Variants in PEBP4 observed in about 807,000 individuals in gnomAD.
PEBP4 encodes the protein phosphatidylethanolamine binding protein 4, also known as phosphatidylethanolamine-binding protein 4.
In PEBP4, 22 loss-of-function variants were observed where a neutral mutation model predicts 23.9. That is an observed-to-expected ratio of 0.92 (90% CI 0.66 to 1.31). The LOEUF (loss-of-function observed/expected upper bound fraction) is 1.31. Ranked by LOEUF, PEBP4 falls within the 40% of genes most tolerant of loss-of-function variation. The probability of loss-of-function intolerance (pLI) is 0.00; values close to 1 mark genes in which losing one functional copy is unlikely to be tolerated. For missense variants in PEBP4, 324 were observed against 281.7 expected (o/e 1.15, Z -1.07); for synonymous variants, 112 against 99.3 (o/e 1.13, Z -0.76).
At chr8:22,920,556 A>G (rs76743413) in intron 2 of PEBP4, among the ~76,000 whole-genome samples, 4,829 of 152,328 alleles carry the variant, frequency 0.032, 116 homozygotes, top group Middle Eastern at 0.092. Flanking sequence ...GTGGCGGTCA[A>G]TGGTCAGAAC....
chr8:22,780,412 T>C (rs185202912), intron 4 of PEBP4, among the ~76,000 whole-genome samples: 131 of 152,266 alleles, frequency 8.6e-4, no homozygotes, highest in Middle Eastern at 3.4e-3. Flanking sequence ...TTGAGGTTCA[T>C]TTGTCCAGGA....
chr8:22,756,053 T>C (rs1394652351), intron 4 of PEBP4: 1 of 152,248 alleles, frequency 6.6e-6, no homozygotes, highest in Admixed American at 6.5e-5. Flanking sequence ...TAATGATGTA[T>C]CATAATAGAT....
At chr8:22,894,309 ACT>A (rs765523471) in intron 3 of PEBP4, among the ~76,000 whole-genome samples, 1 of 152,098 alleles carries the variant, frequency 6.6e-6, no homozygotes, top group Non-Finnish European at 1.5e-5. Context: ...ATAGTGGCTC[ACT>A]CTATAATCCC....
At position 22,760,295 on chromosome 8, in the gene PEBP4, C is replaced by T. The variant is rs1000144559; in HGVS notation, c.358-33075G>A. 1.6e-4 allele frequency among the ~76,000 whole-genome samples: 24 copies of T among 152,232 alleles called. No homozygotes were observed. The South Asian group carries it at 1.9e-3, about 12-fold the overall frequency. ...GAAGTGAACACAGGCAGTTTGACTC[C>T]GGTGCCCTCCCTCCTAACCACTAAA... On this transcript the variant is annotated intron_variant, in intron 4 of 6. Coordinates refer to ENST00000256404, the MANE Select transcript of PEBP4 (RefSeq NM_144962.3).
At chr8:22,900,435 G>T (rs961544305) in intron 3 of PEBP4, among the ~76,000 whole-genome samples, 3 of 152,106 alleles carry the variant, frequency 2.0e-5, no homozygotes, top group Non-Finnish European at 4.4e-5. Flanking sequence ...GATCACTTGA[G>T]GCCAGGGGTT....
chr8:22,833,773 A>AG (rs996102621), intron 3 of PEBP4, among the ~76,000 whole-genome samples: 3 of 152,202 alleles, frequency 2.0e-5, no homozygotes, highest in African/African-American at 4.8e-5. Flanking sequence ...GAGAATCACC[A>AG]GGGGAACTCT....
chr8:22,894,996 C>G (rs961929705), intron 3 of PEBP4, among the ~76,000 whole-genome samples: 1 of 152,164 alleles, frequency 6.6e-6, no homozygotes, highest in Non-Finnish European at 1.5e-5. Context: ...TTCAGCATGG[C>G]CAAGGGAGAC....
At chr8:22,938,699 T>C (rs73557825) in intron 1 of PEBP4, among the ~76,000 whole-genome samples, 1 of 152,052 alleles carries the variant, frequency 6.6e-6, no homozygotes, top group African/African-American at 2.4e-5. Flanking sequence ...AAGGTCACAC[T>C]TCCCCCCCAT....
intron 3 of PEBP4, among the ~76,000 whole-genome samples, chr8:22,914,390 A>T (rs944738763): frequency 2.0e-5 from 3 of 152,100 alleles, no homozygotes; most frequent in African/African-American, 7.2e-5. Flanking sequence ...CCCACTTCGT[A>T]AATATTACTG....
intron 4 of PEBP4, among the ~76,000 whole-genome samples, chr8:22,773,544 T>A (rs984033929): frequency 6.6e-6 from 1 of 152,018 alleles, no homozygotes; most frequent in Non-Finnish European, 1.5e-5. Context: ...CTGGGGGCCT[T>A]TTCCTGGGCT....
chr8:22,774,067 C>T (rs1805768324), intron 4 of PEBP4, among the ~76,000 whole-genome samples: 2 of 152,170 alleles, frequency 1.3e-5, no homozygotes, highest in Admixed American at 1.3e-4. Context: ...CTCCCTCCTG[C>T]TGGTTTCACA....
At chr8:22,754,250 C>T (rs991823058) in intron 4 of PEBP4, among the ~76,000 whole-genome samples, 4 of 152,094 alleles carry the variant, frequency 2.6e-5, no homozygotes, top group African/African-American at 9.7e-5. Context: ...TATCTTACAT[C>T]GTAGTTGTGA....
At chr8:22,917,189 C>T (rs1227011783) in intron 3 of PEBP4, among the ~76,000 whole-genome samples, 2 of 152,168 alleles carry the variant, frequency 1.3e-5, no homozygotes, top group African/African-American at 4.8e-5. Context: ...TTGCTTCAGT[C>T]ACCTTGGAAG....
chr8:22,723,110 T>C (rs2128748398), intron 6 of PEBP4, among the ~76,000 whole-genome samples: 1 of 152,180 alleles, frequency 6.6e-6, no homozygotes, highest in South Asian at 2.1e-4. Flanking sequence ...CCTGTACAGA[T>C]GCAAGTCCAG....
intron 3 of PEBP4, among the ~76,000 whole-genome samples, chr8:22,877,311 T>C (rs1808141458): frequency 6.6e-6 from 1 of 152,176 alleles, no homozygotes; most frequent in East Asian, 1.9e-4. Context: ...GTGTCCTTAT[T>C]GTGAATCAAA....
At chr8:22,887,861 C>T (rs1808415178) in intron 3 of PEBP4, 1 of 152,196 alleles carries the variant, frequency 6.6e-6, no homozygotes, top group South Asian at 2.1e-4. Flanking sequence ...AATACAAACG[C>T]ATGCGCGCAT....
At chr8:22,927,744 C>T (rs546399691) in intron 1 of PEBP4, 24 bp from the exon 2 acceptor site, 144 of 1,612,220 alleles carry the variant, frequency 8.9e-5, no homozygotes, top group Middle Eastern at 3.3e-4. Context: ...AACTTTAGAG[C>T]GGCTGGATCC....
chr8:22,860,194 A>ATATATATATACACATATATATT (rs1807744631), intron 3 of PEBP4, among the ~76,000 whole-genome samples: 1 of 97,600 alleles, frequency 1.0e-5, no homozygotes, highest in Non-Finnish European at 1.8e-5. Flanking sequence ...ATATATATGT[A>ATATATATATACACATATATATT]TATATATATA....
In PEBP4 at chr8:22,865,381, GGCGGC is replaced by G. The variant is rs1186334283; in HGVS notation, c.259-47651_259-47647del. ...GGGCGGTGACGGTGGCGGTGGCGGT[GGCGGC>G]GGCGGGACCCCGGGCCTGGCTGCGC... On this transcript the variant is annotated intron_variant, in intron 3 of 6. Transcript: ENST00000256404. This position sits in a 1 kb window ranked among gnomAD's most constrained non-coding sequence, Gnocchi z 6.9. 3.8e-4 allele frequency among the ~76,000 whole-genome samples: 57 copies of G among 151,800 alleles called. No homozygotes were observed. Among genetic ancestry groups the G allele is most frequent in the Middle Eastern group, 3.4e-3 (1 of 292 alleles).
Sources: gnomAD v4.1 joint callset for allele counts (sites outside exome capture counted in the v4.1 genomes callset) on GRCh38, gnomAD v4.1.1 for gene constraint, Gnocchi (gnomAD v3.1) non-coding constraint, MANE v1.5 for transcripts, NCBI Gene and HGNC (gene_info 2026-07-23, HGNC 2026-07-21) for gene names.